TSPAN5: variants seen among roughly 807,000 people sequenced by gnomAD.
The protein encoded by TSPAN5 is tetraspanin-5.
TSPAN5 carries 10 observed loss-of-function variants against 37.1 expected under a neutral mutation model. The observed-to-expected ratio is 0.27, with a 90% CI of 0.17 to 0.46. The LOEUF (loss-of-function observed/expected upper bound fraction) is 0.46, where lower values mean the gene tolerates loss of function less well. Ranked by LOEUF, TSPAN5 falls within the 20% of genes least tolerant of loss-of-function variation. The pLI is 1.00. For synonymous variants in TSPAN5, 110 were observed against 118.9 expected (o/e 0.93, Z 0.48); for missense variants, 195 against 326.6 (o/e 0.60, Z 3.11).
chr4:98,590,298 A>G (rs770803339), intron 1 of TSPAN5, among the ~76,000 whole-genome samples: 7 of 152,192 alleles, frequency 4.6e-5, no homozygotes, highest in Non-Finnish European at 8.8e-5. Context: ...AGGTTTACCA[A>G]GTGCCTATGA....
chr4:98,600,255 T>C (rs953844663), intron 1 of TSPAN5, among the ~76,000 whole-genome samples: 7 of 152,228 alleles, frequency 4.6e-5, no homozygotes, highest in Admixed American at 4.6e-4. Flanking sequence ...TGCTGACTGA[T>C]GACGGTGGTG....
chr4:98,624,953 CACA>C (rs1756562815), intron 1 of TSPAN5, among the ~76,000 whole-genome samples: 1 of 152,156 alleles, frequency 6.6e-6, no homozygotes, highest in Non-Finnish European at 1.5e-5. Flanking sequence ...TATTTTTAGA[CACA>C]ACCAATCCCA....
chr4:98,558,429 A>T (rs968242881), intron 1 of TSPAN5, among the ~76,000 whole-genome samples: 1 of 152,196 alleles, frequency 6.6e-6, no homozygotes, highest in Non-Finnish European at 1.5e-5. Context: ...AATTTAGAAC[A>T]GAGATTATTA....
intron 1 of TSPAN5, among the ~76,000 whole-genome samples, chr4:98,572,334 A>G (rs1755144359): frequency 6.6e-6 from 1 of 152,136 alleles, no homozygotes. Flanking sequence ...CAATCTACAA[A>G]CAGGGAGAAC....
intron 3 of TSPAN5, chr4:98,484,838 T>C: frequency 3.5e-6 from 1 of 288,656 alleles, no homozygotes; most frequent in South Asian, 3.4e-5. Flanking sequence ...CCCAGCCAGG[T>C]ATGGTGGCTC....
At chr4:98,507,585 C>A (rs765588141) in intron 2 of TSPAN5, 93 bp downstream of exon 2, 42 of 913,148 alleles carry the variant, frequency 4.6e-5, no homozygotes, top group Non-Finnish European at 6.9e-5. Context: ...TGTTTATACT[C>A]TGTGGTTGTC....
chr4:98,613,164 G>T (rs1295442199), intron 1 of TSPAN5, among the ~76,000 whole-genome samples: 1 of 149,990 alleles, frequency 6.7e-6, no homozygotes, highest in African/African-American at 2.5e-5. Flanking sequence ...AATTCCACGG[G>T]TGATTCAGAT....
At chr4:98,572,299 C>T (rs1422622064) in intron 1 of TSPAN5, among the ~76,000 whole-genome samples, 1 of 152,148 alleles carries the variant, frequency 6.6e-6, no homozygotes, top group African/African-American at 2.4e-5. Context: ...TAAGCATAGG[C>T]ACAATGCACT....
chr4:98,522,783 G>A (rs542932055), intron 1 of TSPAN5, among the ~76,000 whole-genome samples: 1 of 152,338 alleles, frequency 6.6e-6, no homozygotes, highest in South Asian at 2.1e-4. Flanking sequence ...GGAGGAAGGA[G>A]GGGGGATGTC....
intron 1 of TSPAN5, among the ~76,000 whole-genome samples, chr4:98,632,091 T>C (rs947514113): frequency 1.3e-5 from 2 of 152,132 alleles, no homozygotes; most frequent in Admixed American, 1.3e-4. Flanking sequence ...TGCAATAGTG[T>C]CCTTGACCCC....
intron 1 of TSPAN5, among the ~76,000 whole-genome samples, chr4:98,548,642 C>A (rs546937289): frequency 2.6e-5 from 4 of 152,032 alleles, no homozygotes; most frequent in Non-Finnish European, 5.9e-5. Flanking sequence ...ACTTTCTACC[C>A]AATCATAATT....
At chr4:98,633,517 C>T (rs1756791637) in intron 1 of TSPAN5, among the ~76,000 whole-genome samples, 1 of 152,130 alleles carries the variant, frequency 6.6e-6, no homozygotes, top group African/African-American at 2.4e-5. Flanking sequence ...CTTCAGGATT[C>T]GAAATCTCTA....
chr4:98,581,062 T>G (rs935831069), intron 1 of TSPAN5, among the ~76,000 whole-genome samples: 3 of 152,068 alleles, frequency 2.0e-5, no homozygotes, highest in African/African-American at 7.2e-5. Flanking sequence ...AAAAAAAAAT[T>G]AACGGGAACA....
intron 1 of TSPAN5, among the ~76,000 whole-genome samples, chr4:98,579,842 T>C (rs955594077): frequency 2.0e-5 from 3 of 152,216 alleles, no homozygotes; most frequent in African/African-American, 2.4e-5. Flanking sequence ...CAGCAAATAA[T>C]TTGGTCCCAA....
Position 98,476,408 on chromosome 4 carries a change from C to G in TSPAN5, c.624+5G>C. The G allele has an allele frequency of 6.2e-7, 1 of 1,614,210 alleles. No individual in the cohort carries two copies. The highest frequency in any genetic ancestry group is 8.5e-7 in the Non-Finnish European group (1 of 1,180,020). On this transcript the variant is annotated splice_donor_5th_base_variant and intron_variant, in intron 6 of 7. Coordinates refer to ENST00000305798, the MANE Select transcript of TSPAN5 (RefSeq NM_005723.4). Reference sequence around the variant, plus strand: ...TGCTAAGCAACAACATGAGATTCCACTTACTGGTTTTTGCCTGGCATCATA... The same window carrying G: ...TGCTAAGCAACAACATGAGATTCCAGTTACTGGTTTTTGCCTGGCATCATA...
intron 1 of TSPAN5, among the ~76,000 whole-genome samples, chr4:98,541,092 C>T (rs17192209): frequency 0.023 from 3,513 of 152,212 alleles, 57 homozygotes; most frequent in Non-Finnish European, 0.038. Flanking sequence ...ACTTCCTTAC[C>T]CATAAAATAG....
At position 98,539,637 on chromosome 4, in the gene TSPAN5, G is replaced by A. The variant is rs534270311; in HGVS notation, c.82-31909C>T. On this transcript the variant is annotated intron_variant, in intron 1 of 7. Transcript: ENST00000305798. Reference sequence around the variant, plus strand: ...AGGGGGAAGAAAAGGAGAACTGTGGGCAAAAACTTATGTAATTTATTGCAA... The same window carrying A: ...AGGGGGAAGAAAAGGAGAACTGTGGACAAAAACTTATGTAATTTATTGCAA... Among the ~76,000 whole-genome samples the A allele has an allele frequency of 3.3e-5, 5 of 152,162 alleles. No homozygotes were observed. In the East Asian group the frequency reaches 9.6e-4, roughly 29 times the overall value.
intron 1 of TSPAN5, among the ~76,000 whole-genome samples, chr4:98,508,770 C>T (rs887287443): frequency 6.6e-6 from 1 of 152,076 alleles, no homozygotes; most frequent in African/African-American, 2.4e-5. Flanking sequence ...AGCAATCCTC[C>T]CGCCTCGGCC....
chr4:98,494,723 A>G (rs1045744994), intron 2 of TSPAN5, among the ~76,000 whole-genome samples: 1 of 152,086 alleles, frequency 6.6e-6, no homozygotes, highest in Non-Finnish European at 1.5e-5. Context: ...ACCCAGGAGG[A>G]GTGTCTAACC....
Sources: allele counts gnomAD v4.1 joint callset (sites outside exome capture counted in the v4.1 genomes callset), GRCh38; gene constraint gnomAD v4.1.1; transcripts MANE v1.5; gene names NCBI Gene and HGNC (gene_info 2026-07-23, HGNC 2026-07-21).